PREX2: variants seen among roughly 807,000 people sequenced by gnomAD.
PREX2 encodes the protein phosphatidylinositol-3,4,5-trisphosphate dependent Rac exchange factor 2.
In PREX2, 107 loss-of-function variants were observed where a neutral mutation model predicts 203.2. The observed-to-expected ratio is 0.53, with a 90% CI of 0.45 to 0.62. The LOEUF (loss-of-function observed/expected upper bound fraction) is 0.62. Among genes scored for constraint, PREX2 ranks in the 20% least tolerant of loss-of-function variants. The pLI is 0.00. For synonymous variants in PREX2, 672 were observed against 663.6 expected, an observed-to-expected ratio of 1.01 and a Z score of -0.19; for missense variants, 1,777 against 1,955.9, an observed-to-expected ratio of 0.91 and a Z score of 1.72.
intron 1 of PREX2, among the ~76,000 whole-genome samples, chr8:67,991,103 C>G (rs73258000): frequency 0.043 from 6,609 of 152,166 alleles, 448 homozygotes; most frequent in African/African-American, 0.14. Flanking sequence ...AGGCACTGGG[C>G]TATATGCTTG....
At chr8:68,137,191 C>G (rs1462441536) in intron 32 of PREX2, among the ~76,000 whole-genome samples, 1 of 152,172 alleles carries the variant, frequency 6.6e-6, no homozygotes, top group African/African-American at 2.4e-5. Context: ...CAGGCGTGAG[C>G]CACCATGCCT....
intron 4 of PREX2, among the ~76,000 whole-genome samples, chr8:68,025,271 G>T (rs189000447): frequency 6.6e-5 from 10 of 151,882 alleles, no homozygotes; most frequent in Admixed American, 1.3e-4. Context: ...CTTGGACATA[G>T]AACTTTTTGA....
chr8:68,133,206 T>C (rs1811042377), intron 31 of PREX2, among the ~76,000 whole-genome samples: 1 of 152,072 alleles, frequency 6.6e-6, no homozygotes, highest in Non-Finnish European at 1.5e-5. Flanking sequence ...CCATCAGATC[T>C]CGTGAAAATT....
chr8:68,005,344 T>G (rs1807063195), intron 1 of PREX2, among the ~76,000 whole-genome samples: 1 of 152,182 alleles, frequency 6.6e-6, no homozygotes, highest in Admixed American at 6.5e-5. Context: ...CTTATTTCAG[T>G]GGAAACCTAG....
intron 34 of PREX2, 122 bp from the exon 35 acceptor site, chr8:68,157,200 T>A (rs1358484454): frequency 8.5e-6 from 4 of 471,508 alleles, no homozygotes; most frequent in Middle Eastern, 3.8e-4. Flanking sequence ...CATAGTTTTT[T>A]TGCATATATG....
At position 68,152,311 on chromosome 8, in the gene PREX2, G is replaced by C. The variant is rs1029395898; in HGVS notation, c.4232-5011G>C. Among the ~76,000 whole-genome samples the C allele has an allele frequency of 5.3e-4, 42 of 79,470 alleles. 1 individual carries two copies. Among genetic ancestry groups the C allele is most frequent in the African/African-American group, 2.0e-3 (39 of 19,730 alleles). 52.1% of individuals were successfully genotyped at this position (79,470 alleles called of 152,430 possible). The stretch of plus-strand genomic sequence containing the variant: ...AGAGAAAAAAAAAAAAAAAAAAAAA[G>C]ATAAATCTTTTAGTTTTCCATTTGG... On this transcript the variant is annotated intron_variant, in intron 34 of 39. Transcript: ENST00000288368.
chr8:67,994,663 C>T (rs1184166711), intron 1 of PREX2, among the ~76,000 whole-genome samples: 7 of 152,180 alleles, frequency 4.6e-5, no homozygotes, highest in Non-Finnish European at 7.3e-5. Flanking sequence ...TGTAATGAAT[C>T]TAGTCCTTTG....
chr8:68,086,213 A>G (rs538320876), intron 18 of PREX2, among the ~76,000 whole-genome samples: 1 of 152,306 alleles, frequency 6.6e-6, no homozygotes, highest in African/African-American at 2.4e-5. Context: ...CTAATTTATA[A>G]TAATACTTTC....
chr8:68,163,480 A>T (rs1401882164), intron 35 of PREX2, among the ~76,000 whole-genome samples: 2 of 152,208 alleles, frequency 1.3e-5, no homozygotes. Context: ...TTACCATAGA[A>T]TTTCATAAGG....
chr8:68,227,015 T>A (rs76582987), intron 39 of PREX2, among the ~76,000 whole-genome samples: 86 of 152,320 alleles, frequency 5.6e-4, no homozygotes, highest in African/African-American at 1.5e-3. Flanking sequence ...GAAGTGAGAC[T>A]GGAGATATAG....
chr8:68,055,951 G>A lies in PREX2; in HGVS notation c.1215G>A (p.Thr405=), dbSNP rs747069142. The A allele has an allele frequency of 1.5e-5, 24 of 1,611,772 alleles. No homozygotes were observed. The Admixed American group carries it at 1.7e-4, about 11-fold the overall frequency. ...LIKDRKRKLT[T]FPKCFLGSEF... ...AAGACCGAAAGAGAAAACTGACTAC[G>A]TTCCCTAAATGCTTTCTTGGAAGGT... is the stretch of plus-strand genomic sequence containing the variant. The change falls in exon 10 of 40, where the codon ACG becomes ACA. Residue 405 remains threonine, a synonymous_variant. Transcript: ENST00000288368.
chr8:68,203,109 A>G (rs1025513795), intron 37 of PREX2, among the ~76,000 whole-genome samples: 2 of 152,088 alleles, frequency 1.3e-5, no homozygotes, highest in Admixed American at 1.3e-4. Flanking sequence ...GGACAGCTCA[A>G]TCATTCTAAT....
chr8:67,952,948 C>G (rs1805395117), intron 1 of PREX2, among the ~76,000 whole-genome samples: 1 of 152,092 alleles, frequency 6.6e-6, no homozygotes, highest in Admixed American at 6.5e-5. Context: ...ATTAAAGGTC[C>G]AGTCGGCTAC....
At chr8:67,978,600 A>G (rs905408555) in intron 1 of PREX2, among the ~76,000 whole-genome samples, 2 of 151,952 alleles carry the variant, frequency 1.3e-5, no homozygotes, top group Admixed American at 6.6e-5. Flanking sequence ...CGCTTCATCC[A>G]TTCTACTCTT....
intron 37 of PREX2, among the ~76,000 whole-genome samples, chr8:68,194,024 C>T (rs942847593): frequency 7.2e-5 from 11 of 152,276 alleles, no homozygotes; most frequent in African/African-American, 2.6e-4. Context: ...CTCTCTATTG[C>T]AAGCTTATTA....
chr8:68,038,125 T>G, intron 6 of PREX2, 34 bp from the exon 7 acceptor site: 1 of 1,597,666 alleles, frequency 6.3e-7, no homozygotes, highest in Non-Finnish European at 8.5e-7. Context: ...GTCAACCAAG[T>G]AAGCAGACAT....
intron 1 of PREX2, among the ~76,000 whole-genome samples, chr8:68,007,508 T>G (rs1309714013): frequency 6.6e-6 from 1 of 152,180 alleles, no homozygotes; most frequent in African/African-American, 2.4e-5. Flanking sequence ...GAAGTTTTGC[T>G]GTTATTTAAT....
chr8:68,167,308 A>C (rs1811780629), intron 35 of PREX2, among the ~76,000 whole-genome samples: 2 of 148,440 alleles, frequency 1.3e-5, no homozygotes, highest in African/African-American at 2.5e-5. Flanking sequence ...CTATGGATGC[A>C]TCAGCAATGA....
Position 67,952,427 on chromosome 8 carries a change from CGA to C in PREX2, c.37_38del (p.Ser13ArgfsTer49). ...AGGACAGCCGCGGAGACAGCCGCGC[CGA>C]GAGCGCCAAGGACCTGGAGAAGCAG... ...SEDSRGDSRA[E>X]SAKDLEKQLR... is the part of the protein sequence containing the mutation. On this transcript the variant is annotated frameshift_variant, in exon 1 of 40. Coordinates refer to ENST00000288368, the MANE Select transcript of PREX2 (RefSeq NM_024870.4). LOFTEE classifies it high-confidence loss of function. 1 of 1,578,620 alleles carries C rather than the reference CGA, an allele frequency of 6.3e-7. No individual in the cohort carries two copies. The highest frequency in any genetic ancestry group is 1.2e-5 in the South Asian group (1 of 86,242).
Sources: allele counts gnomAD v4.1 joint callset (sites outside exome capture counted in the v4.1 genomes callset), GRCh38; gene constraint gnomAD v4.1.1; transcripts MANE v1.5; gene names NCBI Gene and HGNC (gene_info 2026-07-23, HGNC 2026-07-21).